CAMK4: variants seen among roughly 807,000 people sequenced by gnomAD.
CAMK4 encodes calcium/calmodulin-dependent protein kinase type IV.
CAMK4 carries 22 observed loss-of-function variants against 44.9 expected under a neutral mutation model. The ratio of observed to expected loss-of-function variants is 0.49; its 90% confidence interval spans 0.35 to 0.70. The LOEUF (loss-of-function observed/expected upper bound fraction) is 0.70. CAMK4 is among the 30% of genes least tolerant of loss of function. The pLI is 0.01. For missense variants in CAMK4, 498 were observed against 586.8 expected (o/e 0.85, Z 1.56); for synonymous variants, 218 against 215.4 (o/e 1.01, Z -0.11).
At chr5:111,296,874 G>C (rs997242725) in intron 1 of CAMK4, among the ~76,000 whole-genome samples, 11 of 152,162 alleles carry the variant, frequency 7.2e-5, no homozygotes, top group Non-Finnish European at 1.2e-4. Flanking sequence ...GGGTCATTCT[G>C]TTCTAAATCA....
At chr5:111,365,179 G>C (rs1750745800) in intron 2 of CAMK4, 1 of 152,284 alleles carries the variant, frequency 6.6e-6, no homozygotes, top group Admixed American at 6.6e-5. Context: ...AGAATACTAG[G>C]AGAGTTCAGC....
chr5:111,301,476 A>G lies in CAMK4; in HGVS notation c.162-42548A>G, dbSNP rs140258805. Among the ~76,000 whole-genome samples the G allele has an allele frequency of 1.1e-4, 16 of 152,344 alleles. No homozygotes were observed. In the East Asian group the frequency reaches 2.5e-3, roughly 24 times the overall value. On this transcript the variant is annotated intron_variant, in intron 1 of 10. Transcript: ENST00000282356. ...GAACTAAGTCCTGATCTTACTGGAA[A>G]CTATGTCTAGTAGGATTAGAATGTC...
rs76716018 is a variant in CAMK4, at chr5:111,225,263, T to TG, written c.161+620dup. On this transcript the variant is annotated intron_variant, in intron 1 of 10. Coordinates refer to ENST00000282356, the MANE Select transcript of CAMK4 (RefSeq NM_001744.6). ...TCCAGGCAGTGGTAATTAGTGAGAA[T>TG]GCTGCTGCTTCCCTTCTTTCATGGG... 8.9e-3 allele frequency among the ~76,000 whole-genome samples: 1,349 copies of TG among 152,280 alleles called. 12 individuals are homozygous for TG. The highest frequency in any genetic ancestry group is 0.046 in the East Asian group (239 of 5,170).
intron 4 of CAMK4, among the ~76,000 whole-genome samples, chr5:111,394,079 G>A (rs766858627): frequency 6.6e-6 from 1 of 151,982 alleles, no homozygotes; most frequent in East Asian, 1.9e-4. Context: ...TAAGAGATAC[G>A]CTAACCATTC....
At chr5:111,344,490 A>G (rs972735506) in intron 2 of CAMK4, among the ~76,000 whole-genome samples, 10 of 151,854 alleles carry the variant, frequency 6.6e-5, no homozygotes, top group African/African-American at 2.4e-4. Context: ...CCACATTTTA[A>G]TATTAGAAAA....
At chr5:111,229,909 G>C (rs1561348500) in intron 1 of CAMK4, among the ~76,000 whole-genome samples, 1 of 152,170 alleles carries the variant, frequency 6.6e-6, no homozygotes. Context: ...CTTCCAGAAG[G>C]CAGAGTCTGT....
intron 6 of CAMK4, among the ~76,000 whole-genome samples, chr5:111,447,275 A>G (rs565731528): frequency 4.0e-4 from 61 of 152,316 alleles, no homozygotes; most frequent in African/African-American, 1.3e-3. Flanking sequence ...ACTCCATAGA[A>G]CACTGGTTTC....
chr5:111,313,563 T>G (rs1428779039), intron 1 of CAMK4, among the ~76,000 whole-genome samples: 1 of 152,088 alleles, frequency 6.6e-6, no homozygotes, highest in Non-Finnish European at 1.5e-5. Flanking sequence ...CCCTGCTACA[T>G]GTAAGCTTTG....
intron 1 of CAMK4, among the ~76,000 whole-genome samples, chr5:111,225,364 C>T (rs1423852142): frequency 6.6e-6 from 1 of 152,230 alleles, no homozygotes; most frequent in African/African-American, 2.4e-5. Context: ...TATCCCTCCT[C>T]TGAAGATCCA....
intron 1 of CAMK4, among the ~76,000 whole-genome samples, chr5:111,314,547 C>A (rs1351565162): frequency 1.3e-5 from 2 of 151,988 alleles, no homozygotes; most frequent in African/African-American, 2.4e-5. Flanking sequence ...ACTTTATAAT[C>A]TTTTCAGAAT....
At chr5:111,328,286 G>A (rs1748991337) in intron 1 of CAMK4, among the ~76,000 whole-genome samples, 1 of 151,512 alleles carries the variant, frequency 6.6e-6, no homozygotes, top group Non-Finnish European at 1.5e-5. Flanking sequence ...CCCATTGCTT[G>A]TTTTTGTCAG....
At chr5:111,380,828 CA>C (rs1751387031) in intron 4 of CAMK4, among the ~76,000 whole-genome samples, 1 of 152,104 alleles carries the variant, frequency 6.6e-6, no homozygotes, top group Non-Finnish European at 1.5e-5. Context: ...TTGTGGTGGG[CA>C]TTTAAGGTTA....
intron 1 of CAMK4, among the ~76,000 whole-genome samples, chr5:111,336,148 G>A (rs1233354139): frequency 6.6e-6 from 1 of 151,182 alleles, no homozygotes; most frequent in Non-Finnish European, 1.5e-5. Context: ...TGGTCTTTTT[G>A]CTGAAGAATA....
At chr5:111,477,292 G>C (rs953196487) in intron 8 of CAMK4, among the ~76,000 whole-genome samples, 11 of 152,252 alleles carry the variant, frequency 7.2e-5, no homozygotes, top group Admixed American at 4.6e-4. Context: ...TCTCCCAGTG[G>C]GACATTCTGT....
intron 2 of CAMK4, among the ~76,000 whole-genome samples, chr5:111,361,711 A>G (rs1169483636): frequency 6.6e-6 from 1 of 152,044 alleles, no homozygotes; most frequent in African/African-American, 2.4e-5. Flanking sequence ...TAAAGTTTAA[A>G]CAGGACAGTG....
chr5:111,274,493 T>TTCTTTCTGA (rs1385308111), intron 1 of CAMK4, among the ~76,000 whole-genome samples: 2 of 152,206 alleles, frequency 1.3e-5, no homozygotes, highest in African/African-American at 4.8e-5. Context: ...TTAAACCATT[T>TTCTTTCTGA]TCTTTCTGAT....
In CAMK4 at chr5:111,224,792, C is replaced by A; in HGVS notation, c.161+148C>A. 4 of 796,138 alleles carry A rather than the reference C, an allele frequency of 5.0e-6. No individual in the cohort carries two copies. Among genetic ancestry groups the A allele is most frequent in the Non-Finnish European group, 5.7e-6 (3 of 524,592 alleles). The allele number at this position is 796,138 out of a possible 1,614,324, so 49.3% of individuals were successfully genotyped here. ...AGTGTCTTGAGAGAGAGCTAACCTT[C>A]ATTCAGGTGCGGCTCGAGTCCTTCC... On this transcript the variant is annotated intron_variant, in intron 1 of 10. Coordinates refer to ENST00000282356, the MANE Select transcript of CAMK4 (RefSeq NM_001744.6). The surrounding 1 kb of genome is among the most constrained non-coding windows in gnomAD (Gnocchi z 5.7).
At chr5:111,385,797 G>A (rs939138524) in intron 4 of CAMK4, among the ~76,000 whole-genome samples, 14 of 152,126 alleles carry the variant, frequency 9.2e-5, no homozygotes, top group African/African-American at 2.6e-4. Flanking sequence ...GGATACTCTC[G>A]ATCTCCTGAC....
chr5:111,330,436 T>C (rs189169284), intron 1 of CAMK4, among the ~76,000 whole-genome samples: 98 of 151,736 alleles, frequency 6.5e-4, no homozygotes, highest in South Asian at 1.0e-3. Context: ...AGATTCAATA[T>C]AATCCTAATT....
Sources: allele counts gnomAD v4.1 joint callset (sites outside exome capture counted in the v4.1 genomes callset), GRCh38; gene constraint gnomAD v4.1.1; non-coding constraint Gnocchi (gnomAD v3.1); transcripts MANE v1.5; gene names NCBI Gene and HGNC (gene_info 2026-07-23, HGNC 2026-07-21).